The following OPHN1 variants were observed in gnomAD, a reference collection of about 807,000 sequenced individuals.
OPHN1 encodes the protein oligophrenin-1.
In OPHN1, 11 loss-of-function variants were observed where a neutral mutation model predicts 60.7. The observed-to-expected ratio is 0.18, with a 90% confidence interval of 0.11 to 0.30. OPHN1 has a LOEUF of 0.30. Among genes scored for constraint, OPHN1 ranks in the 10% least tolerant of loss-of-function variants. OPHN1 has a pLI of 1.00. For synonymous variants in OPHN1, 226 were observed against 222.6 expected, an observed-to-expected ratio of 1.02 and a Z score of -0.14; for missense variants, 449 against 611.0, an observed-to-expected ratio of 0.73 and a Z score of 2.80.
At chrX:68,366,270 C>T (rs1223019831) in intron 2 of OPHN1, among the ~76,000 whole-genome samples, 1 of 110,936 alleles carries the variant, frequency 9.0e-6, no homozygotes, top group South Asian at 3.8e-4. Context: ...TGAGGCCTGG[C>T]AATCATAGTG....
intron 5 of OPHN1, among the ~76,000 whole-genome samples, chrX:68,271,912 G>A (rs977699574): frequency 2.8e-5 from 3 of 107,855 alleles, no homozygotes; most frequent in African/African-American, 1.0e-4. Context: ...GAGGCACCAT[G>A]TGTCTGGGTG....
intron 5 of OPHN1, among the ~76,000 whole-genome samples, chrX:68,255,328 A>T (rs961540401): frequency 3.6e-5 from 4 of 112,459 alleles, no homozygotes; most frequent in Non-Finnish European, 7.5e-5. Flanking sequence ...AATAAAAGTT[A>T]TGTGAATACG....
intron 15 of OPHN1, among the ~76,000 whole-genome samples, chrX:68,133,897 G>A (rs1244793414): frequency 4.5e-5 from 5 of 111,307 alleles, no homozygotes; most frequent in Admixed American, 9.6e-5. Context: ...TTGCTTGGCC[G>A]GGCGCTGTGG....
At chrX:68,387,261 C>T (rs1225979865) in intron 2 of OPHN1, among the ~76,000 whole-genome samples, 1 of 107,314 alleles carries the variant, frequency 9.3e-6, no homozygotes, top group Non-Finnish European at 1.9e-5. Flanking sequence ...ATGGGCAAGT[C>T]GTGATGATTC....
At chrX:68,365,979 CA>C (rs769428988) in intron 2 of OPHN1, among the ~76,000 whole-genome samples, 45 of 92,660 alleles carry the variant, frequency 4.9e-4, no homozygotes, top group Middle Eastern at 5.2e-3. Flanking sequence ...ACTTTTTCTC[CA>C]AAAAAAAAAA....
chrX:68,228,002 A>G (rs936213822), intron 6 of OPHN1, among the ~76,000 whole-genome samples: 10 of 111,726 alleles, frequency 9.0e-5, no homozygotes, highest in African/African-American at 3.3e-4. Flanking sequence ...CAGAATTGAT[A>G]GACTGCTAGC....
chrX:68,384,417 A>G (rs1187324494), intron 2 of OPHN1, among the ~76,000 whole-genome samples: 1 of 112,336 alleles, frequency 8.9e-6, no homozygotes, highest in Admixed American at 9.5e-5. Flanking sequence ...AGCCATAAAA[A>G]GGAATGAAAT....
chrX:68,256,255 A>G (rs2077862974), intron 5 of OPHN1, among the ~76,000 whole-genome samples: 1 of 111,267 alleles, frequency 9.0e-6, no homozygotes, highest in Non-Finnish European at 1.9e-5. Flanking sequence ...TACTGTACAC[A>G]TGGCTGGCAG....
intron 6 of OPHN1, among the ~76,000 whole-genome samples, chrX:68,231,045 C>T (rs1319385378): frequency 2.7e-5 from 3 of 110,840 alleles, no homozygotes; most frequent in Non-Finnish European, 5.7e-5. Context: ...AGAGTAAATA[C>T]ACAAAGAAGT....
At chrX:68,166,826 G>A (rs757728581) in intron 15 of OPHN1, among the ~76,000 whole-genome samples, 7 of 111,943 alleles carry the variant, frequency 6.3e-5, no homozygotes, top group Non-Finnish European at 3.8e-5. Context: ...AGGAAAACTG[G>A]ATATCCATAT....
At chrX:68,292,741 G>A (rs926380776) in intron 3 of OPHN1, among the ~76,000 whole-genome samples, 4 of 110,952 alleles carry the variant, frequency 3.6e-5, no homozygotes, top group East Asian at 5.7e-4. Context: ...AAAACCTGAC[G>A]GCCCAGATCC....
chrX:68,378,894 T>C (rs2078577506), intron 2 of OPHN1, among the ~76,000 whole-genome samples: 1 of 111,693 alleles, frequency 9.0e-6, no homozygotes, highest in Non-Finnish European at 1.9e-5. Flanking sequence ...TCTTTTTGCT[T>C]AGGATTGACT....
At chrX:68,126,472 T>C (rs2077172377) in intron 15 of OPHN1, among the ~76,000 whole-genome samples, 1 of 109,686 alleles carries the variant, frequency 9.1e-6, no homozygotes, top group Admixed American at 9.7e-5. Context: ...TGAGACAGAG[T>C]CTCACTCTGT....
intron 20 of OPHN1, among the ~76,000 whole-genome samples, chrX:68,065,239 A>AT (rs2076909123): frequency 1.8e-5 from 2 of 109,702 alleles, no homozygotes; most frequent in South Asian, 4.0e-4. Flanking sequence ...AGATCTTGAT[A>AT]TTTTTTTTAA....
intron 21 of OPHN1, among the ~76,000 whole-genome samples, chrX:68,057,381 G>A (rs2076877359): frequency 9.0e-6 from 1 of 111,567 alleles, no homozygotes; most frequent in Non-Finnish European, 1.9e-5. Context: ...GAGTAGCAGA[G>A]CTGAGAGTGC....
chrX:68,132,881 C>T, intron 15 of OPHN1: 1 of 310,153 alleles, frequency 3.2e-6, no homozygotes, highest in Non-Finnish European at 5.7e-6. Flanking sequence ...AACCAGGCGA[C>T]GCTGAAGCGG....
intron 15 of OPHN1, among the ~76,000 whole-genome samples, chrX:68,147,644 C>A (rs909235136): frequency 9.0e-6 from 1 of 111,246 alleles, no homozygotes; most frequent in Non-Finnish European, 1.9e-5. Context: ...TTCATAAATG[C>A]AAAAAGCTTA....
At chrX:68,336,359 C>CA (rs1013634779) in intron 2 of OPHN1, 6 of 108,400 alleles carry the variant, frequency 5.5e-5, no homozygotes, top group Admixed American at 1.0e-4. Flanking sequence ...CCCATCTCTA[C>CA]AAAAAAATAA....
intron 5 of OPHN1, among the ~76,000 whole-genome samples, chrX:68,241,778 G>A (rs1250168353): frequency 9.0e-6 from 1 of 111,024 alleles, no homozygotes; most frequent in East Asian, 2.8e-4. Flanking sequence ...AAAATTAGCT[G>A]GGTGTGGTGG....
Sources: allele counts gnomAD v4.1 joint callset (sites outside exome capture counted in the v4.1 genomes callset), GRCh38; gene constraint gnomAD v4.1.1; transcripts MANE v1.5; gene names NCBI Gene and HGNC (gene_info 2026-07-23, HGNC 2026-07-21).